Variants in MAP3K9 observed in about 807,000 individuals in gnomAD.
The protein encoded by MAP3K9 is mitogen-activated protein kinase kinase kinase 9, also known as mixed lineage kinase 1 (tyr and ser/thr specificity).
Under a neutral mutation model 95.8 loss-of-function variants are expected in MAP3K9, and 46 were observed. That is an observed-to-expected ratio of 0.48 (90% CI 0.38 to 0.61). The LOEUF (loss-of-function observed/expected upper bound fraction) is 0.61. Ranked by LOEUF, MAP3K9 falls within the 20% of genes least tolerant of loss-of-function variation. MAP3K9 has a pLI of 0.00. For synonymous variants in MAP3K9, 533 were observed against 593.8 expected, an observed-to-expected ratio of 0.90 and a Z score of 1.49; for missense variants, 1,296 against 1,474.3, an observed-to-expected ratio of 0.88 and a Z score of 1.98.
At chr14:70,804,412 C>T (rs1270594466) in intron 1 of MAP3K9, among the ~76,000 whole-genome samples, 1 of 152,154 alleles carries the variant, frequency 6.6e-6, no homozygotes, top group African/African-American at 2.4e-5. Context: ...AGATTAGAAA[C>T]TCTCTTGGAG....
At chr14:70,784,068 G>C (rs927203122) in intron 2 of MAP3K9, among the ~76,000 whole-genome samples, 6 of 152,142 alleles carry the variant, frequency 3.9e-5, no homozygotes, top group Admixed American at 1.3e-4. Context: ...CAGATAGCCT[G>C]AAGTCAGGAG....
At chr14:70,755,338 T>C (rs2054285341) in intron 3 of MAP3K9, among the ~76,000 whole-genome samples, 1 of 152,208 alleles carries the variant, frequency 6.6e-6, no homozygotes, top group Admixed American at 6.5e-5. Flanking sequence ...CTGCCTTAAG[T>C]GCAGGAACAG....
Position 70,738,340 on chromosome 14 carries a change from T to C in MAP3K9, c.1749A>G (p.Glu583=). Residue 583 remains glutamate (E), a synonymous_variant, in exon 8 of 12, where the codon GAA becomes GAG. Transcript: ENST00000554752. ...GGGCCCTCTTCTCCTCCTCCTCCCC[T>C]TCCTCCTTTGGGACGACTGAGCTCC... ...WGRSSVVPKE[E]GEEEEKRAPK... 2 of 1,614,060 alleles carry C rather than the reference T, an allele frequency of 1.2e-6. No homozygotes were observed. Among genetic ancestry groups the C allele is most frequent in the African/African-American group, 1.3e-5 (1 of 75,038 alleles).
At chr14:70,781,750 C>T (rs1193728860) in intron 2 of MAP3K9, among the ~76,000 whole-genome samples, 2 of 152,182 alleles carry the variant, frequency 1.3e-5, no homozygotes, top group Non-Finnish European at 2.9e-5. Context: ...AGGAAATGGG[C>T]TCAGGGTCGA....
At chr14:70,745,136 A>G (rs1344216224) in intron 5 of MAP3K9, among the ~76,000 whole-genome samples, 2 of 152,192 alleles carry the variant, frequency 1.3e-5, no homozygotes, top group Admixed American at 6.5e-5. Context: ...TGGAACCTGG[A>G]GAGAGCCATG....
At position 70,728,287 on chromosome 14, in the gene MAP3K9, A is replaced by C. The variant is rs1288896835; in HGVS notation, c.*2093T>G. On this transcript the variant is annotated 3_prime_UTR_variant, in exon 12 of 12. Coordinates refer to ENST00000554752, the MANE Select transcript of MAP3K9 (RefSeq NM_001284230.2). ...CAGGCACGTGCCACCATGCCTGGCT[A>C]ATTTTTTTGTATTTTTAGTAGAGAC... The C allele has an allele frequency of 6.6e-6, 1 of 151,712 alleles. No homozygotes were observed. The highest frequency in any genetic ancestry group is 1.5e-5 in the Non-Finnish European group (1 of 67,972). 9.4% of individuals were successfully genotyped at this position (151,712 alleles called of 1,614,324 possible). A position where few individuals can be genotyped will look rare whatever the true frequency, so the allele number is the denominator to read the frequency against.
intron 3 of MAP3K9, among the ~76,000 whole-genome samples, chr14:70,754,862 C>T (rs2054277019): frequency 6.6e-6 from 1 of 152,130 alleles, no homozygotes; most frequent in Admixed American, 6.5e-5. Context: ...GGGACGATGC[C>T]CTCTGACAGT....
At chr14:70,798,913 C>T (rs1200514954) in intron 2 of MAP3K9, among the ~76,000 whole-genome samples, 2 of 152,168 alleles carry the variant, frequency 1.3e-5, no homozygotes, top group African/African-American at 4.8e-5. Flanking sequence ...AAATACTTCA[C>T]ATGCATCATA....
intron 2 of MAP3K9, among the ~76,000 whole-genome samples, chr14:70,785,286 C>T (rs543968797): frequency 6.6e-6 from 1 of 152,302 alleles, no homozygotes; most frequent in African/African-American, 2.4e-5. Context: ...ACAGGAGTCC[C>T]TCCTTATCTT....
Position 70,742,244 on chromosome 14 carries a change from G to A in MAP3K9, c.1567+107C>T, listed in dbSNP as rs1468637137. The A allele has an allele frequency of 3.5e-6, 5 of 1,439,296 alleles. No homozygotes were observed. The African/African-American group carries it at 5.6e-5, about 16-fold the overall frequency. The allele number at this position is 1,439,296 out of a possible 1,614,324, so 89.2% of individuals were successfully genotyped here. Reference sequence around the variant, plus strand: ...CCATTTAAAACAGGCTGGAGTTTGAGCCCCAGGGTGTCATGTTTCCAAGCT... The same window carrying A: ...CCATTTAAAACAGGCTGGAGTTTGAACCCCAGGGTGTCATGTTTCCAAGCT... On this transcript the variant is annotated intron_variant, in intron 6 of 11. Coordinates refer to ENST00000554752, the MANE Select transcript of MAP3K9 (RefSeq NM_001284230.2).
rs545877526 is a variant in MAP3K9, at chr14:70,727,722, G to C, written c.*2658C>G. ...AGATGGTAACTGTTCCTTCTTCATG[G>C]ATGCTCACAGTAGCACCTTTGGATA... On this transcript the variant is annotated 3_prime_UTR_variant, in exon 12 of 12. Coordinates refer to ENST00000554752, the MANE Select transcript of MAP3K9 (RefSeq NM_001284230.2). The C allele has an allele frequency of 4.4e-4, 67 of 152,342 alleles. No homozygotes were observed. Among genetic ancestry groups the C allele is most frequent in the Admixed American group, 1.3e-3 (20 of 15,304 alleles). 9.4% of individuals were successfully genotyped at this position (152,342 alleles called of 1,614,324 possible). A position where few individuals can be genotyped will look rare whatever the true frequency, so the allele number is the denominator to read the frequency against.
intron 1 of MAP3K9, among the ~76,000 whole-genome samples, chr14:70,804,695 AT>A (rs2054970871): frequency 1.1e-5 from 1 of 91,370 alleles, no homozygotes; most frequent in Non-Finnish European, 2.5e-5. Flanking sequence ...GAAAAAATAA[AT>A]GCAGGGAGGT....
intron 5 of MAP3K9, among the ~76,000 whole-genome samples, chr14:70,747,179 A>C (rs988568635): frequency 1.3e-5 from 2 of 152,176 alleles, no homozygotes; most frequent in Non-Finnish European, 2.9e-5. Flanking sequence ...ATATGGTTTG[A>C]CTGTATCTTC....
At chr14:70,808,701 CTTCCCCGACCG>C in intron 1 of MAP3K9, 54 bp downstream of exon 1, 2 of 851,926 alleles carry the variant, frequency 2.3e-6, no homozygotes, top group Non-Finnish European at 3.1e-6. Context: ...GTGCTCCCCC[CTTCCCCGACCG>C]CCCCCCAGGC....
chr14:70,787,373 T>C (rs2054758033), intron 2 of MAP3K9, among the ~76,000 whole-genome samples: 2 of 151,852 alleles, frequency 1.3e-5, no homozygotes. Flanking sequence ...CTGGGTGTGG[T>C]GGCGGGCACC....
chr14:70,782,117 AG>A (rs1188519642), intron 2 of MAP3K9, among the ~76,000 whole-genome samples: 3 of 152,144 alleles, frequency 2.0e-5, no homozygotes, highest in Non-Finnish European at 4.4e-5. Context: ...TGCCTTCTCC[AG>A]ACCCCATCTC....
At chr14:70,739,281 C>T (rs911682066) in intron 7 of MAP3K9, among the ~76,000 whole-genome samples, 6 of 152,148 alleles carry the variant, frequency 3.9e-5, no homozygotes, top group Admixed American at 1.3e-4. Context: ...AGATGGGTGC[C>T]ACCATGCCCA....
At chr14:70,804,352 G>A (rs2054965995) in intron 1 of MAP3K9, among the ~76,000 whole-genome samples, 1 of 152,148 alleles carries the variant, frequency 6.6e-6, no homozygotes, top group South Asian at 2.1e-4. Context: ...ACTAACTTGT[G>A]CCTGATGTCA....
chr14:70,808,634 C>A lies in MAP3K9; in HGVS notation c.406+132G>T, dbSNP rs1010859592. On this transcript the variant is annotated intron_variant, in intron 1 of 11. Coordinates refer to ENST00000554752, the MANE Select transcript of MAP3K9 (RefSeq NM_001284230.2). Reference sequence around the variant, plus strand: ...GCCCGGGCAGCCTAAGCGCGCGCCACCCACACCCAGGTCAATCGTCCTCCC... The same window carrying A: ...GCCCGGGCAGCCTAAGCGCGCGCCAACCACACCCAGGTCAATCGTCCTCCC... 3.0e-5 allele frequency: 15 copies of A among 492,070 alleles called. 1 individual carries two copies. In the South Asian group the frequency reaches 3.4e-4, roughly 11 times the overall value. The allele number at this position is 492,070 out of a possible 1,614,324, so 30.5% of individuals were successfully genotyped here.
Sources: allele counts gnomAD v4.1 joint callset (sites outside exome capture counted in the v4.1 genomes callset), GRCh38; gene constraint gnomAD v4.1.1; transcripts MANE v1.5; gene names NCBI Gene and HGNC (gene_info 2026-07-23, HGNC 2026-07-21).